Variants in FBXL2 observed in about 807,000 individuals in gnomAD.
FBXL2 encodes F-box/LRR-repeat protein 2.
In FBXL2, 38 loss-of-function variants were observed where a neutral mutation model predicts 69.2. That is an observed-to-expected ratio of 0.55 (90% CI 0.42 to 0.72). FBXL2 has a LOEUF of 0.72. Ranked by LOEUF, FBXL2 falls within the 30% of genes least tolerant of loss-of-function variation. The pLI, the probability that FBXL2 is intolerant of heterozygous loss-of-function variation, is 0.00. For missense variants in FBXL2, 354 were observed against 520.3 expected (o/e 0.68, Z 3.11); for synonymous variants, 192 against 201.3 (o/e 0.95, Z 0.39).
At chr3:33,356,206 A>G (rs2041188325) in intron 2 of FBXL2, among the ~76,000 whole-genome samples, 1 of 152,166 alleles carries the variant, frequency 6.6e-6, no homozygotes, top group Non-Finnish European at 1.5e-5. Context: ...ATTTATTATT[A>G]TCAGTTAAGA....
At chr3:33,277,332 G>A, upstream of FBXL2, 1 of 465,240 alleles carries the variant, frequency 2.1e-6, no homozygotes, top group Non-Finnish European at 3.5e-6. Flanking sequence ...AGGGCCGGGG[G>A]CGAGGGGTGG....
chr3:33,372,513 TA>T (rs2042362192), intron 5 of FBXL2: 1 of 158,578 alleles, frequency 6.3e-6, no homozygotes, highest in Non-Finnish European at 1.4e-5. Context: ...TAGGGCGTTT[TA>T]ATGTGCTGCT....
chr3:33,336,445 A>G (rs2039583392), intron 2 of FBXL2, among the ~76,000 whole-genome samples: 1 of 152,228 alleles, frequency 6.6e-6, no homozygotes, highest in Non-Finnish European at 1.5e-5. Context: ...GTAATCTGAA[A>G]TAGTTCATAG....
At chr3:33,419,662 A>G in the FBXL2 span, among the ~76,000 whole-genome samples, 58,645 of 150,112 alleles carry the variant, frequency 0.39, 12,646 homozygotes, top group East Asian at 0.6. Context: ...AAAAGAAAAG[A>G]CTCTATAACA....
intron 2 of FBXL2, among the ~76,000 whole-genome samples, chr3:33,321,956 A>C (rs4678534): frequency 1.3e-5 from 2 of 151,788 alleles, no homozygotes; most frequent in Non-Finnish European, 2.9e-5. Flanking sequence ...TTCAGAAAAC[A>C]GTTTGTCACT....
At chr3:33,381,329 T>C (rs2043042183) in intron 13 of FBXL2, among the ~76,000 whole-genome samples, 1 of 152,206 alleles carries the variant, frequency 6.6e-6, no homozygotes, top group Non-Finnish European at 1.5e-5. Context: ...TACACGTATA[T>C]ACGTGTGAAT....
At chr3:33,353,921 T>C (rs2041007606) in intron 2 of FBXL2, among the ~76,000 whole-genome samples, 1 of 151,956 alleles carries the variant, frequency 6.6e-6, no homozygotes, top group Non-Finnish European at 1.5e-5. Flanking sequence ...CAAGGGTTCA[T>C]GAGAAAGAGA....
At chr3:33,419,518 C>T in the FBXL2 span, among the ~76,000 whole-genome samples, 1 of 151,990 alleles carries the variant, frequency 6.6e-6, no homozygotes, top group Non-Finnish European at 1.5e-5. Context: ...ATGCCAGCTA[C>T]TCCAGAGGCT....
At chr3:33,306,230 G>A (rs1357782056) in intron 2 of FBXL2, among the ~76,000 whole-genome samples, 1 of 151,466 alleles carries the variant, frequency 6.6e-6, no homozygotes, top group African/African-American at 2.4e-5. Context: ...TACCGCTTTT[G>A]CTTCTTTGAC....
intron 2 of FBXL2, among the ~76,000 whole-genome samples, chr3:33,333,124 G>A (rs116647051): frequency 2.3e-3 from 347 of 152,242 alleles, no homozygotes; most frequent in Middle Eastern, 0.014. Context: ...TGCTTAATGG[G>A]TATAGTGTTT....
At chr3:33,322,846 A>G (rs2038353662) in intron 2 of FBXL2, among the ~76,000 whole-genome samples, 1 of 152,196 alleles carries the variant, frequency 6.6e-6, no homozygotes, top group African/African-American at 2.4e-5. Context: ...TTTGTTAAAA[A>G]TTTGAAAGGT....
At chr3:33,280,785 C>CA (rs1288702840) in intron 1 of FBXL2, among the ~76,000 whole-genome samples, 1 of 146,130 alleles carries the variant, frequency 6.8e-6, no homozygotes, top group Admixed American at 6.8e-5. Flanking sequence ...TCATATGGAA[C>CA]AAAATCTATT....
chr3:33,301,419 C>T (rs757888724), intron 2 of FBXL2, among the ~76,000 whole-genome samples: 2 of 152,138 alleles, frequency 1.3e-5, no homozygotes, highest in African/African-American at 2.4e-5. Flanking sequence ...TCACATCAAC[C>T]GAAGCTTCAG....
chr3:33,333,064 G>C (rs2039293217), intron 2 of FBXL2, among the ~76,000 whole-genome samples: 1 of 152,156 alleles, frequency 6.6e-6, no homozygotes, highest in Non-Finnish European at 1.5e-5. Flanking sequence ...GAGACAGAAA[G>C]CATATTGCTG....
chr3:33,396,995 C>G lies in FBXL2; in HGVS notation n.1215-6239C>G, dbSNP rs200821768. On this transcript the variant is annotated intron_variant and non_coding_transcript_variant, in intron 12 of 12. Coordinates refer to the FBXL2 transcript ENST00000463736. ...ACACATTCTGCCCAAATTCCCCACG[C>G]GAAGAAAGGTACATTCTTATTTCAA... is the stretch of plus-strand genomic sequence containing the variant. The G allele has an allele frequency of 6.5e-6, 10 of 1,535,232 alleles. No individual in the cohort carries two copies. The East Asian group carries it at 6.8e-5, about 10-fold the overall frequency.
chr3:33,324,519 A>G (rs1376621976), intron 2 of FBXL2, among the ~76,000 whole-genome samples: 3 of 152,196 alleles, frequency 2.0e-5, no homozygotes, highest in Non-Finnish European at 4.4e-5. Context: ...TTTTCTGCAT[A>G]TGGCTAGCCA....
intron 2 of FBXL2, among the ~76,000 whole-genome samples, chr3:33,356,682 G>T (rs1201202460): frequency 6.6e-6 from 1 of 152,132 alleles, no homozygotes; most frequent in African/African-American, 2.4e-5. Context: ...GATGAATCAG[G>T]AGAGGGGCAA....
At chr3:33,378,804 CAAG>C in intron 13 of FBXL2, 63 bp downstream of exon 13, 1 of 1,613,478 alleles carries the variant, frequency 6.2e-7, no homozygotes, top group Non-Finnish European at 8.5e-7. Context: ...CCCACCACAA[CAAG>C]AAGCTGTTTG....
chr3:33,403,344 G>T lies in FBXL2; in HGVS notation n.1325G>T. ...GAAACATGGCTCTGACCTAGCTAGT[G>T]CTCCTTTTGCCCTCTTCCCTAATGA... On this transcript the variant is annotated non_coding_transcript_exon_variant, in exon 13 of 13. Coordinates refer to the FBXL2 transcript ENST00000463736. 2 of 226,320 alleles carry T rather than the reference G, an allele frequency of 8.8e-6. 1 individual carries two copies. The highest frequency in any genetic ancestry group is 1.1e-4 in the South Asian group (2 of 18,996). The allele number at this position is 226,320 out of a possible 1,614,324, so 14.0% of individuals were successfully genotyped here. A position where few individuals can be genotyped will look rare whatever the true frequency, so the allele number is the denominator to read the frequency against.
Sources: gnomAD v4.1 joint callset for allele counts (sites outside exome capture counted in the v4.1 genomes callset) on GRCh38, gnomAD v4.1.1 for gene constraint, MANE v1.5 for transcripts, NCBI Gene and HGNC (gene_info 2026-07-23, HGNC 2026-07-21) for gene names.